ELF1: variants seen among roughly 807,000 people sequenced by gnomAD.
ELF1 encodes the protein E74 like ETS transcription factor 1.
A neutral mutation model predicts 59.9 loss-of-function variants in ELF1; 24 were observed. The ratio of observed to expected loss-of-function variants is 0.40; its 90% confidence interval spans 0.29 to 0.56. The LOEUF (loss-of-function observed/expected upper bound fraction) is 0.56, where lower values mean the gene tolerates loss of function less well. Ranked by LOEUF, ELF1 falls within the 20% of genes least tolerant of loss-of-function variation. The probability of loss-of-function intolerance (pLI) is 0.44; values close to 1 mark genes in which losing one functional copy is unlikely to be tolerated. For missense variants in ELF1, 627 were observed against 742.2 expected, an observed-to-expected ratio of 0.84 and a Z score of 1.80; for synonymous variants, 248 against 266.2, an observed-to-expected ratio of 0.93 and a Z score of 0.67.
Position 40,935,523 on chromosome 13 carries a change from A to G in ELF1, c.1257-1495T>C, listed in dbSNP as rs548002883. Among the ~76,000 whole-genome samples, 9 of 152,346 alleles carry G rather than the reference A, an allele frequency of 5.9e-5. No homozygotes were observed. In the South Asian group the frequency reaches 1.5e-3, roughly 25 times the overall value. On this transcript the variant is annotated intron_variant, in intron 8 of 8. Coordinates refer to ENST00000239882, the MANE Select transcript of ELF1 (RefSeq NM_172373.4). ...GGACACGTTCAAAAGAAGTGGGAAT[A>G]AAGACACAGGATGACTAGAGCCCGC... is the stretch of plus-strand genomic sequence containing the variant.
rs148104280 is a variant in ELF1 at position 41,000,072 on chromosome 13, A to G, written c.-228-17790T>C. 4.6e-5 allele frequency among the ~76,000 whole-genome samples: 7 copies of G among 152,258 alleles called. No homozygotes were observed. In the East Asian group the frequency reaches 7.7e-4, roughly 17 times the overall value. On this transcript the variant is annotated intron_variant, in intron 1 of 8. Coordinates refer to ENST00000239882, the MANE Select transcript of ELF1 (RefSeq NM_172373.4). ...TAGATGATGCTGACTTAGTTATCCA[A>G]TGAAGAAATATGTGATATAAATAAC... is the stretch of plus-strand genomic sequence containing the variant.
At chr13:40,989,409 A>G (rs1282386594) in intron 1 of ELF1, among the ~76,000 whole-genome samples, 1 of 152,266 alleles carries the variant, frequency 6.6e-6, no homozygotes, top group African/African-American at 2.4e-5. Context: ...ATTTTTTCAA[A>G]TATTCAACGA....
At chr13:41,002,620 AAAAT>A (rs143879156) in intron 1 of ELF1, among the ~76,000 whole-genome samples, 2 of 151,748 alleles carry the variant, frequency 1.3e-5, no homozygotes, top group African/African-American at 2.4e-5. Context: ...CCATCTCAAA[AAAAT>A]AAATAAATAA....
At chr13:41,050,263 A>G (rs1050545574) in intron 1 of ELF1, among the ~76,000 whole-genome samples, 5 of 152,100 alleles carry the variant, frequency 3.3e-5, no homozygotes, top group South Asian at 2.1e-4. Context: ...ATCATGCAGT[A>G]TATCTTCTTT....
In ELF1 at chr13:40,982,213, C is replaced by G; in HGVS notation, c.-159G>C. On this transcript the variant is annotated 5_prime_UTR_variant, in exon 2 of 9. Transcript: ENST00000239882. ...CTTTAGGGAAGGTGCTTCAGTTTTC[C>G]TGGTTCATTGATATTCTAGTCAAAT... 7.6e-7 allele frequency: 1 copy of G among 1,308,010 alleles called. No individual in the cohort carries two copies. Among genetic ancestry groups the G allele is most frequent in the Non-Finnish European group, 9.7e-7 (1 of 1,027,170 alleles). 81.0% of individuals were successfully genotyped at this position (1,308,010 alleles called of 1,614,324 possible).
At chr13:40,989,730 T>G (rs1028641701) in intron 1 of ELF1, among the ~76,000 whole-genome samples, 7 of 152,186 alleles carry the variant, frequency 4.6e-5, no homozygotes. Flanking sequence ...TCTGAATTTT[T>G]TTACATTATT....
At chr13:41,012,339 G>C (rs1403049378) in intron 1 of ELF1, among the ~76,000 whole-genome samples, 4 of 141,548 alleles carry the variant, frequency 2.8e-5, no homozygotes, top group African/African-American at 1.1e-4. Flanking sequence ...AAAAAAAAGA[G>C]TATTATGAAA....
At chr13:41,025,188 G>A (rs927770287) in intron 1 of ELF1, among the ~76,000 whole-genome samples, 5 of 152,058 alleles carry the variant, frequency 3.3e-5, no homozygotes, top group African/African-American at 2.4e-5. Flanking sequence ...ACAGCTGTAC[G>A]GAAATTTCCT....
chr13:41,041,546 G>A (rs777466249), intron 1 of ELF1, among the ~76,000 whole-genome samples: 17 of 152,154 alleles, frequency 1.1e-4, no homozygotes, highest in African/African-American at 2.2e-4. Flanking sequence ...GTGGTGACGC[G>A]CACCTGTAGT....
rs141871910 is a variant in ELF1, at chr13:40,954,349, T to C, written c.254-2913A>G. ...GTGGGAGGTGACCGGATCGTGGAGA[T>C]GGATTTTCCCCTTACTGTTCTTGTG... On this transcript the variant is annotated intron_variant, in intron 3 of 8. Transcript: ENST00000239882. Among the ~76,000 whole-genome samples, 387 of 152,248 alleles carry C rather than the reference T, an allele frequency of 2.5e-3. 4 individuals are homozygous for C. The highest frequency in any genetic ancestry group is 0.01 in the Middle Eastern group (3 of 294).
chr13:41,054,043 C>A (rs1160016590), intron 1 of ELF1, among the ~76,000 whole-genome samples: 1 of 152,014 alleles, frequency 6.6e-6, no homozygotes, highest in Admixed American at 6.6e-5. Flanking sequence ...TACCATATGT[C>A]TTATAAAATG....
intron 1 of ELF1, among the ~76,000 whole-genome samples, chr13:41,010,252 A>C (rs1292641979): frequency 6.7e-6 from 1 of 149,612 alleles, no homozygotes; most frequent in Non-Finnish European, 1.5e-5. Context: ...CCAATAAAAA[A>C]ATAAAATAAA....
At chr13:41,018,864 T>A (rs547434881) in intron 1 of ELF1, among the ~76,000 whole-genome samples, 12 of 152,226 alleles carry the variant, frequency 7.9e-5, no homozygotes, top group Admixed American at 3.3e-4. Flanking sequence ...TTTACTTAAC[T>A]GTAACTTCAA....
intron 2 of ELF1, among the ~76,000 whole-genome samples, chr13:40,960,162 G>C (rs1353104941): frequency 6.6e-6 from 1 of 151,934 alleles, no homozygotes; most frequent in Non-Finnish European, 1.5e-5. Flanking sequence ...CTAATATAAA[G>C]ACAGCATAAT....
chr13:40,959,648 T>C (rs1378334094), intron 2 of ELF1, among the ~76,000 whole-genome samples: 3 of 152,220 alleles, frequency 2.0e-5, no homozygotes, highest in Non-Finnish European at 4.4e-5. Context: ...TATTACACTG[T>C]CGCTTGGCAC....
At chr13:40,954,551 G>GATTCTCCTGCCTC (rs1183786719) in intron 3 of ELF1, among the ~76,000 whole-genome samples, 2 of 151,766 alleles carry the variant, frequency 1.3e-5, no homozygotes, top group African/African-American at 4.8e-5. Flanking sequence ...CTCCCTGCCT[G>GATTCTCCTGCCTC]ATTCTCCTGC....
intron 1 of ELF1, among the ~76,000 whole-genome samples, chr13:41,052,451 T>C (rs1237372225): frequency 1.3e-5 from 2 of 152,314 alleles, no homozygotes; most frequent in Admixed American, 6.5e-5. Context: ...AAGGATATCA[T>C]AGCAAAACCA....
At chr13:41,039,006 CAAA>C (rs11405097) in intron 1 of ELF1, among the ~76,000 whole-genome samples, 2,582 of 76,484 alleles carry the variant, frequency 0.034, 28 homozygotes, top group Non-Finnish European at 0.046. Context: ...GAGACTTTGT[CAAA>C]AAAAAAAAAA....
intron 2 of ELF1, among the ~76,000 whole-genome samples, chr13:40,960,918 T>G (rs957539105): frequency 3.9e-5 from 6 of 152,210 alleles, no homozygotes; most frequent in African/African-American, 1.4e-4. Flanking sequence ...CCGCCCAAGC[T>G]AGAGTGCAGT....
Sources: allele counts gnomAD v4.1 joint callset (sites outside exome capture counted in the v4.1 genomes callset), GRCh38; gene constraint gnomAD v4.1.1; transcripts MANE v1.5; gene names NCBI Gene and HGNC (gene_info 2026-07-23, HGNC 2026-07-21).